Variants in HYAL4 observed in about 807,000 individuals in gnomAD.
HYAL4 encodes hyaluronidase-4.
Under a neutral mutation model 35.2 loss-of-function variants are expected in HYAL4, and 37 were observed. That is an observed-to-expected ratio of 1.05 (90% confidence interval 0.81 to 1.38). The LOEUF (loss-of-function observed/expected upper bound fraction) is 1.38. Among genes scored for constraint, HYAL4 ranks in the 40% most tolerant of loss-of-function variants. The probability of loss-of-function intolerance (pLI) is 0.00; values close to 1 mark genes in which losing one functional copy is unlikely to be tolerated. For missense variants in HYAL4, 572 were observed against 572.4 expected, an observed-to-expected ratio of 1.00 and a Z score of 0.01; for synonymous variants, 198 against 203.2, an observed-to-expected ratio of 0.97 and a Z score of 0.22.
the HYAL4 span, among the ~76,000 whole-genome samples, chr7:123,787,513 A>G: frequency 1.1e-4 from 16 of 152,272 alleles, no homozygotes; most frequent in South Asian, 3.3e-3. Context: ...AGGCCATGGC[A>G]GTATTGAGTC....
chr7:123,821,070 T>C, the HYAL4 span, among the ~76,000 whole-genome samples: 1 of 152,244 alleles, frequency 6.6e-6, no homozygotes, highest in African/African-American at 2.4e-5. Flanking sequence ...CTTGGATTGT[T>C]TCCATTTCTT....
Position 123,868,569 on chromosome 7 carries a change from C to T in HYAL4, c.296C>T (p.Pro99Leu), listed in dbSNP as rs139329355. 8.6e-4 allele frequency: 1,393 copies of T among 1,614,046 alleles called. 7 individuals carry two copies. The East Asian group carries it at 0.015, about 18-fold the overall frequency. The change falls in exon 3 of 5, where the codon CCG (proline) becomes CTG (leucine). Residue 99 changes from proline (P) to leucine (L), a missense_variant. Transcript: ENST00000223026. ...TATGTCAACAGATTGGGATACTATC[C>T]GTGGTATACATCACAAGGGGTCCCC... Reference protein sequence around the residue: ...IFYVNRLGYYPWYTSQGVPIN... With the variant: ...IFYVNRLGYYLWYTSQGVPIN...
the HYAL4 span, among the ~76,000 whole-genome samples, chr7:123,793,782 T>C: frequency 2.4e-4 from 36 of 152,254 alleles, no homozygotes; most frequent in African/African-American, 8.4e-4. Context: ...ATTAGCAACA[T>C]GAGAATGGAC....
intron 2 of HYAL4, among the ~76,000 whole-genome samples, chr7:123,851,432 C>G (rs1344932880): frequency 3.3e-5 from 5 of 152,014 alleles, no homozygotes; most frequent in Admixed American, 6.6e-5. Context: ...GTGATGTTCC[C>G]CTCCCTGTGT....
chr7:123,847,817 C>G (rs1216012090), intron 1 of HYAL4, among the ~76,000 whole-genome samples: 1 of 152,164 alleles, frequency 6.6e-6, no homozygotes, highest in Non-Finnish European at 1.5e-5. Flanking sequence ...GTACACAAAG[C>G]ACTTGACCCC....
upstream of HYAL4, among the ~76,000 whole-genome samples, chr7:123,825,472 G>C (rs1232099781): frequency 6.6e-6 from 1 of 152,112 alleles, no homozygotes; most frequent in Non-Finnish European, 1.5e-5. Context: ...AGAGGAGGTA[G>C]TGAGATGGAG....
chr7:123,776,412 T>A, the HYAL4 span, among the ~76,000 whole-genome samples: 4 of 151,954 alleles, frequency 2.6e-5, no homozygotes, highest in African/African-American at 9.7e-5. Context: ...GCTGCAGGTG[T>A]GTGGGTTTTT....
chr7:123,876,288 C>T (rs1439348179), intron 4 of HYAL4, among the ~76,000 whole-genome samples: 1 of 152,212 alleles, frequency 6.6e-6, no homozygotes, highest in Non-Finnish European at 1.5e-5. Flanking sequence ...AAATGATGGA[C>T]TATGATTCAG....
In HYAL4 at chr7:123,873,248, C is replaced by A. The variant is rs533080501; in HGVS notation, c.955-1513C>A. ...TTTCATTTATACTATCTCATTTGAG[C>A]CTCTCAAAACCTCCTCTCCTTCCTT... is the stretch of plus-strand genomic sequence containing the variant. On this transcript the variant is annotated intron_variant, in intron 3 of 4. Transcript: ENST00000223026. Among the ~76,000 whole-genome samples, 153 of 152,208 alleles carry A rather than the reference C, an allele frequency of 1.0e-3. 2 individuals are homozygous for A. The Middle Eastern group carries it at 0.027, about 27-fold the overall frequency.
intron 4 of HYAL4, 84 bp from the exon 5 acceptor site, chr7:123,876,670 C>T: frequency 7.4e-7 from 1 of 1,359,820 alleles, no homozygotes; most frequent in Non-Finnish European, 1.0e-6. Context: ...TCTATCAGTA[C>T]CAGCGAGAAA....
the HYAL4 span, among the ~76,000 whole-genome samples, chr7:123,793,089 C>G: frequency 6.6e-6 from 1 of 152,180 alleles, no homozygotes; most frequent in African/African-American, 2.4e-5. Context: ...AGGTATGTGT[C>G]TGAGCATCAG....
At chr7:123,842,367 T>C (rs1033967684), upstream of HYAL4, among the ~76,000 whole-genome samples, 8 of 152,022 alleles carry the variant, frequency 5.3e-5, no homozygotes, top group African/African-American at 1.9e-4. Context: ...AGAGACAGTT[T>C]GTTGTGATTT....
intron 2 of HYAL4, among the ~76,000 whole-genome samples, chr7:123,857,721 C>CTT (rs1806485339): frequency 6.8e-6 from 1 of 147,064 alleles, no homozygotes; most frequent in African/African-American, 2.5e-5. Flanking sequence ...TTCTTTCTTT[C>CTT]TTTCTTTCTT....
chr7:123,764,876 T>A, the HYAL4 span, among the ~76,000 whole-genome samples: 1 of 152,230 alleles, frequency 6.6e-6, no homozygotes, highest in Non-Finnish European at 1.5e-5. Context: ...TTATGGACAC[T>A]CTTGATCCAT....
At chr7:123,791,156 A>G in the HYAL4 span, among the ~76,000 whole-genome samples, 1 of 152,158 alleles carries the variant, frequency 6.6e-6, no homozygotes, top group African/African-American at 2.4e-5. Context: ...TTGTGGTGAC[A>G]GGCTCCTTGA....
At chr7:123,804,069 C>T in the HYAL4 span, among the ~76,000 whole-genome samples, 21 of 152,276 alleles carry the variant, frequency 1.4e-4, no homozygotes, top group African/African-American at 4.6e-4. Flanking sequence ...ACAATTTACT[C>T]CCACAATACT....
chr7:123,846,855 C>G (rs1806185693), intron 1 of HYAL4, among the ~76,000 whole-genome samples: 1 of 152,202 alleles, frequency 6.6e-6, no homozygotes, highest in South Asian at 2.1e-4. Flanking sequence ...TCACTCAGCT[C>G]TCTGAATCGA....
At chr7:123,825,190 T>C (rs1359215860), upstream of HYAL4, among the ~76,000 whole-genome samples, 2 of 152,022 alleles carry the variant, frequency 1.3e-5, no homozygotes, top group Non-Finnish European at 1.5e-5. Flanking sequence ...AAATTATATG[T>C]AAAGTTCCTG....
At chr7:123,764,592 A>G in the HYAL4 span, among the ~76,000 whole-genome samples, 1 of 152,212 alleles carries the variant, frequency 6.6e-6, no homozygotes, top group Non-Finnish European at 1.5e-5. Context: ...AGAAGGGAGG[A>G]AAGAAAGGAA....
Sources: allele counts gnomAD v4.1 joint callset (sites outside exome capture counted in the v4.1 genomes callset), GRCh38; gene constraint gnomAD v4.1.1; transcripts MANE v1.5; gene names NCBI Gene and HGNC (gene_info 2026-07-23, HGNC 2026-07-21).